The following PDCD6IP variants were observed in gnomAD, a reference collection of about 807,000 sequenced individuals.
PDCD6IP encodes the protein programmed cell death 6-interacting protein.
A neutral mutation model predicts 103.7 loss-of-function variants in PDCD6IP; 43 were observed. The observed-to-expected ratio is 0.41, with a 90% confidence interval of 0.32 to 0.53. The LOEUF (loss-of-function observed/expected upper bound fraction) is 0.53. PDCD6IP is among the 20% of genes least tolerant of loss of function. The pLI is 0.16. For missense variants in PDCD6IP, 871 were observed against 1,036.7 expected (o/e 0.84, Z 2.20); for synonymous variants, 354 against 378.7 (o/e 0.93, Z 0.76).
chr3:33,828,163 AATT>A (rs1481705992), intron 6 of PDCD6IP, among the ~76,000 whole-genome samples: 2 of 152,134 alleles, frequency 1.3e-5, no homozygotes, highest in African/African-American at 4.8e-5. Context: ...TTTTGACTGG[AATT>A]ATTTTCAAAA....
chr3:33,832,290 G>A (rs1459218713), intron 7 of PDCD6IP, among the ~76,000 whole-genome samples: 4 of 151,976 alleles, frequency 2.6e-5, no homozygotes, highest in Non-Finnish European at 4.4e-5. Context: ...CCCCTATGAG[G>A]CCCCACCTTC....
intron 4 of PDCD6IP, among the ~76,000 whole-genome samples, chr3:33,823,750 C>G (rs1697047817): frequency 6.6e-6 from 1 of 151,976 alleles, no homozygotes; most frequent in East Asian, 1.9e-4. Context: ...CCATTGCACT[C>G]TAGTCTGGGC....
intron 8 of PDCD6IP, among the ~76,000 whole-genome samples, chr3:33,837,204 G>A (rs1338038792): frequency 6.6e-6 from 1 of 152,152 alleles, no homozygotes; most frequent in Non-Finnish European, 1.5e-5. Flanking sequence ...ACAGGCATGA[G>A]CCACCGTGCC....
intron 10 of PDCD6IP, among the ~76,000 whole-genome samples, chr3:33,843,519 C>T (rs1214326390): frequency 1.3e-5 from 2 of 152,176 alleles, no homozygotes; most frequent in Admixed American, 6.5e-5. Context: ...CTGTGGCCCA[C>T]AAAACCTAAA....
intron 12 of PDCD6IP, among the ~76,000 whole-genome samples, chr3:33,846,138 A>T (rs1166541717): frequency 6.6e-6 from 1 of 152,188 alleles, no homozygotes; most frequent in Non-Finnish European, 1.5e-5. Flanking sequence ...TAATTTAATG[A>T]CCTATCACAG....
At chr3:33,840,187 G>A (rs1358431197) in intron 9 of PDCD6IP, among the ~76,000 whole-genome samples, 7 of 151,984 alleles carry the variant, frequency 4.6e-5, no homozygotes, top group Non-Finnish European at 1.0e-4. Context: ...GTATTATATA[G>A]TATATTCTTA....
intron 12 of PDCD6IP, among the ~76,000 whole-genome samples, chr3:33,851,049 T>C (rs1182212787): frequency 6.6e-6 from 1 of 152,116 alleles, no homozygotes; most frequent in Non-Finnish European, 1.5e-5. Flanking sequence ...ACCTCGAGTC[T>C]CTGGTCTTCA....
chr3:33,833,025 TTG>T (rs1171020581), intron 7 of PDCD6IP, among the ~76,000 whole-genome samples: 1 of 152,158 alleles, frequency 6.6e-6, no homozygotes, highest in African/African-American at 2.4e-5. Flanking sequence ...TTTCGCTATT[TTG>T]TGTTTTAGTT....
Position 33,848,461 on chromosome 3 carries a change from G to A in PDCD6IP, c.1641+2873G>A, listed in dbSNP as rs186269478. On this transcript the variant is annotated intron_variant, in intron 12 of 17. Coordinates refer to ENST00000307296, the MANE Select transcript of PDCD6IP (RefSeq NM_013374.6). ...GCTCTGTCACCCAGGCTGGAGAGCA[G>A]TGGCGCAATCTTGGCTCACTGCAAC... 9.2e-4 allele frequency among the ~76,000 whole-genome samples: 139 copies of A among 151,300 alleles called. No homozygotes were observed. The Middle Eastern group carries it at 0.01, about 11-fold the overall frequency.
rs776902892 is a variant in PDCD6IP, at chr3:33,828,871, G to A, written c.736G>A (p.Ala246Thr). 2 of 1,612,758 alleles carry A rather than the reference G, an allele frequency of 1.2e-6. No homozygotes were observed. The highest frequency in any genetic ancestry group is 1.7e-6 in the Non-Finnish European group (2 of 1,179,138). ...TLPKEVFPVL[A>T]AKHCIMQANA... is the part of the protein sequence containing the mutation. Reference sequence around the variant, plus strand: ...TTTCCAGGAGGTGTTCCCTGTCTTGGCTGCAAAGCACTGTATCATGCAGGC... The same window carrying A: ...TTTCCAGGAGGTGTTCCCTGTCTTGACTGCAAAGCACTGTATCATGCAGGC... Residue 246 changes from alanine (A) to threonine (T), a missense_variant, in exon 7 of 18, where the codon GCT (alanine) becomes ACT (threonine). Around this residue, in one of 5 missense-constraint regions of PDCD6IP, gnomAD observed 242 missense variants for 250.7 expected, o/e 0.97. Coordinates refer to ENST00000307296, the MANE Select transcript of PDCD6IP (RefSeq NM_013374.6).
intron 12 of PDCD6IP, among the ~76,000 whole-genome samples, chr3:33,849,471 A>G (rs1343432285): frequency 6.6e-6 from 1 of 152,222 alleles, no homozygotes; most frequent in Non-Finnish European, 1.5e-5. Context: ...CAAATGAAGG[A>G]AAAGACTGTT....
intron 3 of PDCD6IP, among the ~76,000 whole-genome samples, chr3:33,814,285 C>A (rs1696783680): frequency 6.6e-6 from 1 of 151,824 alleles, no homozygotes; most frequent in Non-Finnish European, 1.5e-5. Flanking sequence ...GGATTACAAG[C>A]ACCCGCCACC....
intron 1 of PDCD6IP, among the ~76,000 whole-genome samples, chr3:33,802,998 C>G (rs1295082542): frequency 6.6e-6 from 1 of 152,202 alleles, no homozygotes; most frequent in African/African-American, 2.4e-5. Context: ...TCCCTCTTAG[C>G]CAGTTAGATT....
chr3:33,822,199 T>C, intron 4 of PDCD6IP, 117 bp downstream of exon 4: 1 of 1,032,010 alleles, frequency 9.7e-7, no homozygotes, highest in East Asian at 2.5e-5. Context: ...CTAAAACGAA[T>C]GCACTTTTAA....
intron 12 of PDCD6IP, among the ~76,000 whole-genome samples, chr3:33,846,630 T>C (rs1697598012): frequency 6.6e-6 from 1 of 152,182 alleles, no homozygotes; most frequent in Non-Finnish European, 1.5e-5. Context: ...ACAGAGTGGA[T>C]AGGCAGAAAA....
chr3:33,817,082 G>A (rs554760491), intron 3 of PDCD6IP, among the ~76,000 whole-genome samples: 10 of 152,268 alleles, frequency 6.6e-5, no homozygotes, highest in African/African-American at 2.2e-4. Flanking sequence ...GAATAAAAAT[G>A]CATATATGTA....
chr3:33,803,940 G>A (rs553072659), intron 1 of PDCD6IP, among the ~76,000 whole-genome samples: 1 of 151,584 alleles, frequency 6.6e-6, no homozygotes, highest in Non-Finnish European at 1.5e-5. Context: ...TTTTTCATTT[G>A]TAAAATGAAG....
intron 15 of PDCD6IP, among the ~76,000 whole-genome samples, chr3:33,857,285 GT>G (rs1697851186): frequency 6.6e-6 from 1 of 152,052 alleles, no homozygotes. Flanking sequence ...GGTTCAAGCA[GT>G]TCTTCTGCCT....
chr3:33,842,146 G>A, intron 10 of PDCD6IP, 72 bp downstream of exon 10: 3 of 947,964 alleles, frequency 3.2e-6, no homozygotes, highest in South Asian at 1.6e-5. Context: ...GATTGGGACT[G>A]GAGACTTCCT....
Sources: allele counts gnomAD v4.1 joint callset (sites outside exome capture counted in the v4.1 genomes callset), GRCh38; gene constraint gnomAD v4.1.1; regional missense constraint gnomAD v4.1.1; transcripts MANE v1.5; gene names NCBI Gene and HGNC (gene_info 2026-07-23, HGNC 2026-07-21).